Variants in SBF1 observed in about 807,000 individuals in gnomAD.
SBF1 encodes myotubularin-related protein 5.
Under a neutral mutation model 215.8 loss-of-function variants are expected in SBF1, and 65 were observed. The ratio of observed to expected loss-of-function variants is 0.30; its 90% CI spans 0.25 to 0.37. The LOEUF is 0.37. SBF1 is among the 10% of genes least tolerant of loss of function. The pLI is 1.00. For missense variants in SBF1, 2,634 were observed against 2,667.8 expected (o/e 0.99, Z 0.28); for synonymous variants, 1,410 against 1,122.8 (o/e 1.26, Z -5.11).
At chr22:50,458,655 C>T (rs2067364257) in intron 28 of SBF1, among the ~76,000 whole-genome samples, 1 of 152,266 alleles carries the variant, frequency 6.6e-6, no homozygotes, top group Non-Finnish European at 1.5e-5. Context: ...TGGGGCCTAT[C>T]TGCCACCCCG....
chr22:50,460,812 G>T, intron 23 of SBF1, 100 bp from the exon 24 acceptor site: 1 of 1,325,518 alleles, frequency 7.5e-7, no homozygotes, highest in South Asian at 1.3e-5. Flanking sequence ...AGCCATGACA[G>T]AGAGAGAAGC....
chr22:50,459,676 G>C lies in SBF1; in HGVS notation c.3492-10C>G, dbSNP rs367873562. The stretch of plus-strand genomic sequence containing the variant: ...CAGCAGCCCTGGGTAGCTGAGAGGA[G>C]GCAGAGGCGTGAAGGTGGCTGGCGA... On this transcript the variant is annotated splice_polypyrimidine_tract_variant and intron_variant, in intron 26 of 40. Transcript: ENST00000380817. 6.3e-7 allele frequency: 1 copy of C among 1,596,452 alleles called. No individual in the cohort carries two copies. Among genetic ancestry groups the C allele is most frequent in the East Asian group, 2.2e-5 (1 of 44,670 alleles).
intron 1 of SBF1, among the ~76,000 whole-genome samples, chr22:50,472,375 G>A (rs1011712510): frequency 6.6e-6 from 1 of 152,230 alleles, no homozygotes; most frequent in East Asian, 1.9e-4. Flanking sequence ...CAAGCTATCC[G>A]CCAATCCTAA....
chr22:50,449,079 G>A (rs1056013370), intron 36 of SBF1, among the ~76,000 whole-genome samples: 5 of 151,852 alleles, frequency 3.3e-5, no homozygotes, highest in African/African-American at 9.7e-5. Flanking sequence ...CACGCCTGTA[G>A]GAGAATCGCT....
chr22:50,461,526 G>A lies in SBF1; in HGVS notation c.2836C>T (p.Leu946=). 1.3e-6 allele frequency: 2 copies of A among 1,596,126 alleles called. No homozygotes were observed. The highest frequency in any genetic ancestry group is 1.3e-5 in the African/African-American group (1 of 74,768). The change falls in exon 22 of 41, where the codon CTG becomes TTG. Residue 946 remains leucine, a synonymous_variant. Transcript: ENST00000380817. ...GCCAGAGAGTCTGCAGGCTCACCCA[G>A]GGGGTCCGTGGGCATCCCCGTGAAG... ...VIFTGMPTDP[L]VGEQVVVRSF... is the part of the protein sequence containing the mutation.
chr22:50,449,656 A>ACACACACACACACAC (rs1026571113), intron 36 of SBF1, among the ~76,000 whole-genome samples: 9 of 148,454 alleles, frequency 6.1e-5, no homozygotes, highest in African/African-American at 2.3e-4. Context: ...ACACACACAC[A>ACACACACACACACAC]CCCCAAAATG....
chr22:50,461,330 G>A lies in SBF1; in HGVS notation c.2840-44C>T, dbSNP rs762726304. 16 of 1,549,126 alleles carry A rather than the reference G, an allele frequency of 1.0e-5. 1 individual carries two copies. Among genetic ancestry groups the A allele is most frequent in the Middle Eastern group, 1.7e-4 (1 of 5,776 alleles). On this transcript the variant is annotated intron_variant, in intron 22 of 40. Coordinates refer to ENST00000380817, the MANE Select transcript of SBF1 (RefSeq NM_002972.4). ...GAGTCAGAAGCAAGGAAGGTAAGGG[G>A]GGGGGGGTCCCAGAATCTCAGGGTA...
rs903738376 is a variant in SBF1 at position 50,454,855 on chromosome 22, G to C, written c.4771C>G (p.Pro1591Ala). Reference sequence around the variant, plus strand: ...GCATACATGTAATTGTGGAACACAGGCGTCCTCTTGCTCAGCCGGTCCACA... The same window carrying C: ...GCATACATGTAATTGTGGAACACAGCCGTCCTCTTGCTCAGCCGGTCCACA... ...EYVDRLSKRTPVFHNYMYAPE... is the reference protein window; with the variant it reads ...EYVDRLSKRTAVFHNYMYAPE... Residue 1591 changes from proline to alanine, a missense_variant, in exon 35 of 41, where the codon CCT (proline) becomes GCT (alanine). Physicochemically the swap from Pro to Ala is conservative, Grantham distance 27 (BLOSUM62 -1). Transcript: ENST00000380817. 6.2e-7 allele frequency: 1 copy of C among 1,614,046 alleles called. No homozygotes were observed. Among genetic ancestry groups the C allele is most frequent in the East Asian group, 2.2e-5 (1 of 44,882 alleles).
chr22:50,463,383 C>A lies in SBF1; in HGVS notation c.1799G>T (p.Cys600Phe). 9 of 1,596,920 alleles carry A rather than the reference C, an allele frequency of 5.6e-6. No homozygotes were observed. Among genetic ancestry groups the A allele is most frequent in the Non-Finnish European group, 6.8e-6 (8 of 1,171,000 alleles). Reference protein sequence around the residue: ...RALKGRAARRCLAQELHLHVQ... With the variant: ...RALKGRAARRFLAQELHLHVQ... ...ATGCAGGTGCAGCTCCTGGGCGAGG[C>A]AGCGGCGGGCAGCTCGCCCCTTCAG... The change falls in exon 16 of 41, where the codon TGC becomes TTC. Residue 600 changes from cysteine to phenylalanine, a missense_variant. Coordinates refer to ENST00000380817, the MANE Select transcript of SBF1 (RefSeq NM_002972.4).
Position 50,475,014 on chromosome 22 carries a change from T to TTCCC in SBF1, c.-178_-175dup, listed in dbSNP as rs1193184824. On this transcript the variant is annotated 5_prime_UTR_variant, in exon 1 of 41. Coordinates refer to ENST00000380817, the MANE Select transcript of SBF1 (RefSeq NM_002972.4). ...GGCGGCCCAGGTTCCCGCCGCCATC[T>TTCCC]TCCCAGCCAGCCGGCCCGCCCGGGC... 4.7e-6 allele frequency: 1 copy of TTCCC among 214,174 alleles called. No individual in the cohort carries two copies. The highest frequency in any genetic ancestry group is 6.3e-5 in the Admixed American group (1 of 15,756). 13.3% of individuals were successfully genotyped at this position (214,174 alleles called of 1,614,324 possible). A position where few individuals can be genotyped will look rare whatever the true frequency, so the allele number is the denominator to read the frequency against.
chr22:50,462,828 A>G (rs1162252754), intron 17 of SBF1, 42 bp downstream of exon 17: 3 of 1,605,716 alleles, frequency 1.9e-6, no homozygotes, highest in Admixed American at 1.7e-5. Flanking sequence ...GCCACCAGGA[A>G]GGGGGGGCTG....
chr22:50,462,162 C>T (rs377682417), intron 19 of SBF1, 43 bp from the exon 20 acceptor site: 40 of 1,607,658 alleles, frequency 2.5e-5, no homozygotes, highest in African/African-American at 5.3e-5. Flanking sequence ...CTGCCCACCA[C>T]GGCCCCGCCT....
At chr22:50,467,988 C>G (rs2067847865) in intron 2 of SBF1, 65 bp from the exon 3 acceptor site, 1 of 1,581,114 alleles carries the variant, frequency 6.3e-7, no homozygotes, top group Non-Finnish European at 8.6e-7. Flanking sequence ...GCCCACCCGC[C>G]CCAGCATCTG....
chr22:50,462,995 C>G (rs2067587509), intron 16 of SBF1, 57 bp from the exon 17 acceptor site: 1 of 1,496,626 alleles, frequency 6.7e-7, no homozygotes, highest in Admixed American at 1.9e-5. Context: ...GCACTCACCT[C>G]CCACCATGCC....
In SBF1 at chr22:50,462,920, C is replaced by T; in HGVS notation, c.1918G>A (p.Glu640Lys). The T allele has an allele frequency of 6.2e-7, 1 of 1,613,148 alleles. No individual in the cohort carries two copies. Among genetic ancestry groups the T allele is most frequent in the Non-Finnish European group, 8.5e-7 (1 of 1,179,864 alleles). ...CCLQDCTSLD[E>K]HGIAAALLPL... is the part of the protein sequence containing the mutation. The stretch of plus-strand genomic sequence containing the variant: ...AGCAGAGCCGCCGCAATGCCATGCT[C>T]GTCCAGAGAAGTGCAGTCCTGCAGG... The change falls in exon 17 of 41, where the codon GAG becomes AAG. Residue 640 changes from glutamate to lysine, a missense_variant. Transcript: ENST00000380817.
chr22:50,462,623 C>G lies in SBF1; in HGVS notation c.2063G>C (p.Gly688Ala). Residue 688 changes from glycine (G) to alanine (A), a missense_variant, in exon 18 of 41, where the codon GGG (glycine) becomes GCG (alanine). Gly to Ala is a moderately conservative substitution (Grantham distance 60, BLOSUM62 0). Transcript: ENST00000380817. ...TPQFWEAMFYGDVQTHIRALY... is the reference protein window; with the variant it reads ...TPQFWEAMFYADVQTHIRALY... Reference sequence around the variant, plus strand: ...GGCCCGGATGTGAGTCTGCACATCCCCATAGAACATGGCCTCCCAGAACTG... The same window carrying G: ...GGCCCGGATGTGAGTCTGCACATCCGCATAGAACATGGCCTCCCAGAACTG... The G allele has an allele frequency of 1.2e-6, 2 of 1,612,730 alleles. No homozygotes were observed. Among genetic ancestry groups the G allele is most frequent in the East Asian group, 2.2e-5 (1 of 44,820 alleles).
rs1418365748 is a variant in SBF1, at chr22:50,454,610, A to G, written c.4945T>C (p.Ser1649Pro). The change falls in exon 36 of 41, where the codon TCT (serine) becomes CCT (proline). Residue 1649 changes from serine to proline, a missense_variant. By Grantham distance (74) the Ser-to-Pro change is moderately conservative. Transcript: ENST00000380817. ...GPPEPPEEER[S>P]DGGAPQSRRR... ...CTGCTCTGGGGAGCGCCTCCATCAG[A>G]CCGTTCTTCCTCTGGGGGTTCAGGG... 4.4e-6 allele frequency: 7 copies of G among 1,608,266 alleles called. No individual in the cohort carries two copies. Among genetic ancestry groups the G allele is most frequent in the Non-Finnish European group, 5.1e-6 (6 of 1,177,562 alleles).
At chr22:50,474,660 C>T (rs2068112568) in intron 1 of SBF1, 126 bp downstream of exon 1, 8 of 683,980 alleles carry the variant, frequency 1.2e-5, no homozygotes, top group Admixed American at 4.2e-5. Flanking sequence ...CCTCAGTCCT[C>T]GGCCTCCCGA....
At chr22:50,454,468 G>A (rs956047202) in intron 36 of SBF1, 44 bp downstream of exon 36, 3 of 1,525,590 alleles carry the variant, frequency 2.0e-6, no homozygotes, top group Non-Finnish European at 2.7e-6. Context: ...CTGAGCGAGA[G>A]GAGGGGGGTG....
Sources: gnomAD v4.1 joint callset for allele counts (sites outside exome capture counted in the v4.1 genomes callset) on GRCh38, gnomAD v4.1.1 for gene constraint, MANE v1.5 for transcripts, NCBI Gene and HGNC (gene_info 2026-07-23, HGNC 2026-07-21) for gene names.